The following IMMP2L variants were observed in gnomAD, a reference collection of about 807,000 sequenced individuals.
IMMP2L encodes inner mitochondrial membrane peptidase subunit 2, also known as mitochondrial inner membrane protease subunit 2.
In IMMP2L, 18 loss-of-function variants were observed where a neutral mutation model predicts 19.3. The ratio of observed to expected loss-of-function variants is 0.93; its 90% CI spans 0.64 to 1.38. The LOEUF is 1.38. Among genes scored for constraint, IMMP2L ranks in the 40% most tolerant of loss-of-function variants. IMMP2L has a pLI of 0.00. For missense variants in IMMP2L, 233 were observed against 218.2 expected, an observed-to-expected ratio of 1.07 and a Z score of -0.43; for synonymous variants, 76 against 73.0, an observed-to-expected ratio of 1.04 and a Z score of -0.21.
intron 3 of IMMP2L, among the ~76,000 whole-genome samples, chr7:111,161,085 T>C (rs1805211009): frequency 1.3e-5 from 2 of 151,852 alleles, no homozygotes; most frequent in Admixed American, 6.6e-5. Flanking sequence ...AATGGAATTA[T>C]TTCCTTAAAA....
intron 3 of IMMP2L, among the ~76,000 whole-genome samples, chr7:111,074,952 T>C (rs746902356): frequency 6.6e-6 from 1 of 152,032 alleles, no homozygotes; most frequent in Non-Finnish European, 1.5e-5. Context: ...ATAAGAACCA[T>C]TCAACACAAT....
intron 5 of IMMP2L, among the ~76,000 whole-genome samples, chr7:110,704,819 A>T (rs1489959797): frequency 6.6e-6 from 1 of 152,206 alleles, no homozygotes; most frequent in Non-Finnish European, 1.5e-5. Flanking sequence ...TTGGGAGGTT[A>T]GTGAGACTCT....
At position 111,561,941 on chromosome 7, in the gene IMMP2L, C is replaced by A. The variant is rs947732082; in HGVS notation, c.-93G>T. The A allele has an allele frequency of 9.2e-5, 14 of 152,644 alleles. No individual in the cohort carries two copies. Among genetic ancestry groups the A allele is most frequent in the African/African-American group, 3.4e-4 (14 of 41,462 alleles). 9.5% of individuals were successfully genotyped at this position (152,644 alleles called of 1,614,324 possible). A position where few individuals can be genotyped will look rare whatever the true frequency, so the allele number is the denominator to read the frequency against. Reference sequence around the variant, plus strand: ...CCAAAACCCTAAAAGTAAAAAACGACAGACAGACACGTGCTTTAAAATCAT... The same window carrying A: ...CCAAAACCCTAAAAGTAAAAAACGAAAGACAGACACGTGCTTTAAAATCAT... On this transcript the variant is annotated 5_prime_UTR_variant, in exon 1 of 6. Transcript: ENST00000405709.
chr7:111,030,906 ATATATATATATATATATAT>A (rs1790732344), intron 3 of IMMP2L, among the ~76,000 whole-genome samples: 1 of 141,004 alleles, frequency 7.1e-6, no homozygotes, highest in African/African-American at 2.6e-5. Flanking sequence ...ATATATATAT[ATATATATATATATATATAT>A]AAAATATATA....
At chr7:111,178,711 C>G (rs1807360144) in intron 3 of IMMP2L, among the ~76,000 whole-genome samples, 2 of 152,076 alleles carry the variant, frequency 1.3e-5, no homozygotes, top group African/African-American at 4.8e-5. Flanking sequence ...TAAAAAGCAA[C>G]TCCTCGTCTG....
At chr7:111,142,017 T>C (rs1802952035) in intron 3 of IMMP2L, among the ~76,000 whole-genome samples, 1 of 152,102 alleles carries the variant, frequency 6.6e-6, no homozygotes. Flanking sequence ...AGTATTCAAT[T>C]TTGCATACAT....
intron 3 of IMMP2L, among the ~76,000 whole-genome samples, chr7:111,116,752 T>C (rs1799926547): frequency 6.6e-6 from 1 of 152,164 alleles, no homozygotes; most frequent in Non-Finnish European, 1.5e-5. Flanking sequence ...AGTGAAACTT[T>C]ATTATCAAAG....
intron 3 of IMMP2L, among the ~76,000 whole-genome samples, chr7:111,345,016 T>C (rs1482664365): frequency 6.6e-6 from 1 of 152,044 alleles, no homozygotes; most frequent in Non-Finnish European, 1.5e-5. Context: ...ATAACAGTAG[T>C]AAAACTGACA....
chr7:111,411,518 A>G, intron 3 of IMMP2L: 2 of 428,720 alleles, frequency 4.7e-6, no homozygotes, highest in Non-Finnish European at 9.3e-6. Context: ...GAACTGCTTC[A>G]TTAGAATAAA....
At chr7:110,778,104 A>G (rs1377409492) in intron 5 of IMMP2L, among the ~76,000 whole-genome samples, 2 of 151,976 alleles carry the variant, frequency 1.3e-5, no homozygotes, top group African/African-American at 4.8e-5. Flanking sequence ...TGAAGGCAAA[A>G]ATATAGGAGC....
At chr7:111,294,589 A>G (rs1171648810) in intron 3 of IMMP2L, among the ~76,000 whole-genome samples, 1 of 151,852 alleles carries the variant, frequency 6.6e-6, no homozygotes, top group African/African-American at 2.4e-5. Context: ...AATTTTGAGC[A>G]ACCGTGGCAA....
At chr7:111,351,961 A>G (rs1408508573) in intron 3 of IMMP2L, among the ~76,000 whole-genome samples, 1 of 152,206 alleles carries the variant, frequency 6.6e-6, no homozygotes, top group Non-Finnish European at 1.5e-5. Context: ...AAAGATGTTC[A>G]TCTACTTAAA....
chr7:111,506,815 T>A (rs562814492), intron 2 of IMMP2L, among the ~76,000 whole-genome samples: 8 of 152,096 alleles, frequency 5.3e-5, no homozygotes, highest in Non-Finnish European at 7.4e-5. Flanking sequence ...AGTACCACCT[T>A]ATATCTTTCT....
At chr7:111,221,645 T>A (rs1389405394) in intron 3 of IMMP2L, among the ~76,000 whole-genome samples, 3 of 151,942 alleles carry the variant, frequency 2.0e-5, no homozygotes, top group Non-Finnish European at 4.4e-5. Flanking sequence ...TGAAAAGTAA[T>A]TCCATGTTCA....
rs1364986785 is a variant in IMMP2L, at chr7:111,200,288, C to A, written c.240-236723G>T. Among the ~76,000 whole-genome samples the A allele has an allele frequency of 2.6e-5, 4 of 152,116 alleles. No homozygotes were observed. The East Asian group carries it at 5.8e-4, about 22-fold the overall frequency. ...TTCTTAGAATAAAGCATAATCTAATCTTTCAAAAATGTCTTATTAGCACAG... is the reference window on the plus strand; with the variant it reads ...TTCTTAGAATAAAGCATAATCTAATATTTCAAAAATGTCTTATTAGCACAG... On this transcript the variant is annotated intron_variant, in intron 3 of 5. Transcript: ENST00000405709.
At chr7:110,829,765 G>T (rs1408866277) in intron 5 of IMMP2L, among the ~76,000 whole-genome samples, 2 of 152,012 alleles carry the variant, frequency 1.3e-5, no homozygotes, top group Non-Finnish European at 2.9e-5. Flanking sequence ...TCTGCATTTG[G>T]TCTCTTTTTA....
chr7:111,328,122 A>C (rs1009794122), intron 3 of IMMP2L, among the ~76,000 whole-genome samples: 1 of 151,770 alleles, frequency 6.6e-6, no homozygotes, highest in African/African-American at 2.4e-5. Context: ...TACTCAGAGA[A>C]CTTGTACGAT....
chr7:111,107,628 T>C (rs1586313583), intron 3 of IMMP2L, among the ~76,000 whole-genome samples: 1 of 152,120 alleles, frequency 6.6e-6, no homozygotes, highest in Non-Finnish European at 1.5e-5. Context: ...CATGCTTTAA[T>C]TGGGGCACTA....
At chr7:111,224,091 A>G (rs1812820431) in intron 3 of IMMP2L, among the ~76,000 whole-genome samples, 1 of 152,072 alleles carries the variant, frequency 6.6e-6, no homozygotes, top group African/African-American at 2.4e-5. Flanking sequence ...ACCTTAGGCA[A>G]CCCACTTCCC....
Sources: allele counts gnomAD v4.1 joint callset (sites outside exome capture counted in the v4.1 genomes callset), GRCh38; gene constraint gnomAD v4.1.1; transcripts MANE v1.5; gene names NCBI Gene and HGNC (gene_info 2026-07-23, HGNC 2026-07-21).